Variants in DENND2A observed in about 807,000 individuals in gnomAD.
DENND2A encodes the protein DENN domain containing 2A, also known as DENN domain-containing protein 2A.
In DENND2A, 53 loss-of-function variants were observed where a neutral mutation model predicts 105.3. That is an observed-to-expected ratio of 0.50 (90% confidence interval 0.40 to 0.63). DENND2A has a LOEUF of 0.63. Ranked by LOEUF, DENND2A falls within the 30% of genes least tolerant of loss-of-function variation. The probability of loss-of-function intolerance (pLI) is 0.00; values close to 1 mark genes in which losing one functional copy is unlikely to be tolerated. For missense variants in DENND2A, 1,138 were observed against 1,279.6 expected, an observed-to-expected ratio of 0.89 and a Z score of 1.69; for synonymous variants, 522 against 508.4, an observed-to-expected ratio of 1.03 and a Z score of -0.36.
intron 18 of DENND2A, among the ~76,000 whole-genome samples, chr7:140,520,705 C>T (rs1795823924): frequency 1.3e-5 from 2 of 150,604 alleles, no homozygotes; most frequent in Non-Finnish European, 3.0e-5. Context: ...ATTACAGGCG[C>T]CTGCCACCAT....
intron 2 of DENND2A, 52 bp from the exon 3 acceptor site, chr7:140,602,594 G>A: frequency 2.1e-6 from 1 of 465,442 alleles, no homozygotes. Context: ...TTCTTGGCTG[G>A]TCATAGAGAT....
intron 1 of DENND2A, among the ~76,000 whole-genome samples, 194 bp from the exon 2 acceptor site, chr7:140,606,000 G>A (rs76125842): frequency 0.027 from 4,176 of 152,230 alleles, 83 homozygotes; most frequent in African/African-American, 0.062. Context: ...ATGTCCGCCC[G>A]GATTCAGAAC....
Position 140,601,850 on chromosome 7 carries a change from C to T in DENND2A, c.548G>A (p.Gly183Glu). 1.2e-6 allele frequency: 2 copies of T among 1,614,152 alleles called. No homozygotes were observed. The highest frequency in any genetic ancestry group is 1.7e-6 in the Non-Finnish European group (2 of 1,180,028). The change falls in exon 3 of 20, where the codon GGG (glycine) becomes GAG (glutamate). Residue 183 changes from glycine (G) to glutamate (E), a missense_variant. By Grantham distance (98) the Gly-to-Glu change is moderately conservative. Around this residue, in one of 2 missense-constraint regions of DENND2A, gnomAD observed 511 missense variants for 499.9 expected, o/e 1.02. Coordinates refer to ENST00000496613, the MANE Select transcript of DENND2A (RefSeq NM_015689.5). ...GSAGLDPQLPGTCYSPHCPPD... is the reference protein window; with the variant it reads ...GSAGLDPQLPETCYSPHCPPD... Reference sequence around the variant, plus strand: ...AGGGCAGTGTGGGGAGTAACAAGTCCCTGGTAACTGGGGATCCAGCCCTGC... The same window carrying T: ...AGGGCAGTGTGGGGAGTAACAAGTCTCTGGTAACTGGGGATCCAGCCCTGC...
intron 14 of DENND2A, among the ~76,000 whole-genome samples, chr7:140,542,132 C>G (rs1200980591): frequency 6.6e-6 from 1 of 152,134 alleles, no homozygotes; most frequent in Admixed American, 6.6e-5. Flanking sequence ...TGGCTGGCCC[C>G]GCATCTCAGC....
At chr7:140,528,217 G>A (rs1168189089) in intron 14 of DENND2A, among the ~76,000 whole-genome samples, 5 of 152,180 alleles carry the variant, frequency 3.3e-5, no homozygotes, top group South Asian at 4.1e-4. Flanking sequence ...AAACACAAAC[G>A]GTGAAAGCCT....
chr7:140,563,794 G>A (rs568460877), intron 9 of DENND2A, among the ~76,000 whole-genome samples: 1 of 150,824 alleles, frequency 6.6e-6, no homozygotes, highest in South Asian at 2.1e-4. Context: ...GGCAACAGAG[G>A]AAGACCTCGT....
At chr7:140,636,685 T>A (rs904415257) in intron 1 of DENND2A, among the ~76,000 whole-genome samples, 5 of 73,080 alleles carry the variant, frequency 6.8e-5, no homozygotes, top group South Asian at 5.0e-4. Flanking sequence ...CTCCCCAGCC[T>A]TTTTTTTTTT....
chr7:140,618,403 G>A (rs1800161978), intron 1 of DENND2A, among the ~76,000 whole-genome samples: 1 of 152,126 alleles, frequency 6.6e-6, no homozygotes, highest in Non-Finnish European at 1.5e-5. Context: ...TCTCAGGTAG[G>A]CCGGAAACCC....
rs1200248155 is a variant in DENND2A at position 140,602,505 on chromosome 7, G to A, written c.-108C>T. 12 of 1,271,060 alleles carry A rather than the reference G, an allele frequency of 9.4e-6. No homozygotes were observed. The highest frequency in any genetic ancestry group is 1.7e-5 in the South Asian group (1 of 59,014). The allele number at this position is 1,271,060 out of a possible 1,614,324, so 78.7% of individuals were successfully genotyped here. A position where few individuals can be genotyped will look rare whatever the true frequency, so the allele number is the denominator to read the frequency against. ...ATGGAGGACTAAAGTGGATGCCTTCGAGGGTCTTTCTCAGTCCTTGGACCT... is the reference window on the plus strand; with the variant it reads ...ATGGAGGACTAAAGTGGATGCCTTCAAGGGTCTTTCTCAGTCCTTGGACCT... On this transcript the variant is annotated 5_prime_UTR_variant, in exon 3 of 20. The change creates a premature stop within an existing upstream ORF in the 5' untranslated region. Transcript: ENST00000496613.
At chr7:140,540,840 C>A (rs1796631713) in intron 14 of DENND2A, among the ~76,000 whole-genome samples, 1 of 152,110 alleles carries the variant, frequency 6.6e-6, no homozygotes. Flanking sequence ...GCCTCAGCCT[C>A]CCGAGTAGCT....
chr7:140,587,565 C>T lies in DENND2A; in HGVS notation c.1123+88G>A, dbSNP rs999464505. 15 of 1,558,456 alleles carry T rather than the reference C, an allele frequency of 9.6e-6. No homozygotes were observed. The African/African-American group carries it at 2.0e-4, about 21-fold the overall frequency. ...GTGTGTGTGTGTGTACATGTGTGTG[C>T]ACGTGTGTTTCCAGCAGCCAGCCCC... On this transcript the variant is annotated intron_variant, in intron 4 of 19. Transcript: ENST00000496613.
chr7:140,595,675 A>G (rs573821793), intron 3 of DENND2A, among the ~76,000 whole-genome samples: 1 of 152,216 alleles, frequency 6.6e-6, no homozygotes, highest in Admixed American at 6.5e-5. Context: ...AGGCGGAGGC[A>G]GGAGAATCAC....
At chr7:140,634,101 C>T (rs1800833935) in intron 1 of DENND2A, among the ~76,000 whole-genome samples, 1 of 151,798 alleles carries the variant, frequency 6.6e-6, no homozygotes, top group African/African-American at 2.4e-5. Context: ...CGGGTTCACA[C>T]CATTGTCCTG....
chr7:140,583,795 G>A lies in DENND2A; in HGVS notation c.1245+1794C>T, dbSNP rs574715088. Among the ~76,000 whole-genome samples the A allele has an allele frequency of 2.1e-4, 32 of 149,152 alleles. 1 individual carries two copies. The highest frequency in any genetic ancestry group is 5.8e-4 in the East Asian group (3 of 5,136). ...CAAAAAATTAGCCAGGCGTGGTGGC[G>A]GGCGCCTGTAGTCCCAGCTACTCGG... On this transcript the variant is annotated intron_variant, in intron 5 of 19. Transcript: ENST00000496613.
rs139634965 is a variant in DENND2A at position 140,585,476 on chromosome 7, C to T, written c.1245+113G>A. The T allele has an allele frequency of 6.5e-5, 95 of 1,457,000 alleles. No homozygotes were observed. The East Asian group carries it at 1.0e-3, about 15-fold the overall frequency. 90.3% of individuals were successfully genotyped at this position (1,457,000 alleles called of 1,614,324 possible). A position where few individuals can be genotyped will look rare whatever the true frequency, so the allele number is the denominator to read the frequency against. On this transcript the variant is annotated intron_variant, in intron 5 of 19. Coordinates refer to ENST00000496613, the MANE Select transcript of DENND2A (RefSeq NM_015689.5). ...CCAGCGTTGTACAAATCCAGGAGCCCGGCAGGGCAGGTGGAGGTGGCCTGG... is the reference window on the plus strand; with the variant it reads ...CCAGCGTTGTACAAATCCAGGAGCCTGGCAGGGCAGGTGGAGGTGGCCTGG...
chr7:140,604,161 A>G (rs1799613258), intron 2 of DENND2A, among the ~76,000 whole-genome samples: 1 of 152,214 alleles, frequency 6.6e-6, no homozygotes, highest in African/African-American at 2.4e-5. Context: ...GGAAATTCTG[A>G]AACTCCAGTT....
intron 12 of DENND2A, among the ~76,000 whole-genome samples, chr7:140,548,505 T>C (rs182840493): frequency 6.6e-6 from 1 of 151,946 alleles, no homozygotes; most frequent in African/African-American, 2.4e-5. Context: ...CTGGGCAACA[T>C]AGTGAGACCC....
chr7:140,549,569 A>T (rs1797035324), intron 12 of DENND2A, among the ~76,000 whole-genome samples: 1 of 152,182 alleles, frequency 6.6e-6, no homozygotes, highest in African/African-American at 2.4e-5. Flanking sequence ...ATAGACAATT[A>T]ATAACATAAA....
At chr7:140,539,588 C>T (rs1000672075) in intron 14 of DENND2A, among the ~76,000 whole-genome samples, 8 of 152,216 alleles carry the variant, frequency 5.3e-5, no homozygotes, top group Admixed American at 4.6e-4. Flanking sequence ...CTCCAAAGCC[C>T]GGCAGCTCTC....
Sources: gnomAD v4.1 joint callset for allele counts (sites outside exome capture counted in the v4.1 genomes callset) on GRCh38, gnomAD v4.1.1 for gene constraint, gnomAD v4.1.1 regional missense constraint, MANE v1.5 for transcripts, NCBI Gene and HGNC (gene_info 2026-07-23, HGNC 2026-07-21) for gene names.